The following ERBIN variants were observed in gnomAD, a reference collection of about 807,000 sequenced individuals.
ERBIN encodes erbb2 interacting protein, also known as densin-180-like protein.
ERBIN carries 60 observed loss-of-function variants against 158.4 expected under a neutral mutation model. That is an observed-to-expected ratio of 0.38 (90% CI 0.31 to 0.47). The LOEUF (loss-of-function observed/expected upper bound fraction) is 0.47. Among genes scored for constraint, ERBIN ranks in the 20% least tolerant of loss-of-function variants. The pLI, the probability that ERBIN is intolerant of heterozygous loss-of-function variation, is 0.99. For missense variants in ERBIN, 1,610 were observed against 1,648.0 expected (o/e 0.98, Z 0.40); for synonymous variants, 594 against 557.2 (o/e 1.07, Z -0.93).
At chr5:66,013,424 T>C in intron 5 of ERBIN, 125 bp from the exon 6 acceptor site, 1 of 705,066 alleles carries the variant, frequency 1.4e-6, no homozygotes, top group South Asian at 1.6e-5. Context: ...CTCATAAAAG[T>C]AGCCACTCAT....
chr5:66,075,658 T>TA (rs1761917330), intron 23 of ERBIN, among the ~76,000 whole-genome samples: 1 of 152,200 alleles, frequency 6.6e-6, no homozygotes, highest in South Asian at 2.1e-4. Flanking sequence ...TACACATTCT[T>TA]ATATCTTGAT....
At chr5:66,075,367 T>A in intron 23 of ERBIN, 137 bp downstream of exon 23, 1 of 735,036 alleles carries the variant, frequency 1.4e-6, no homozygotes, top group Non-Finnish European at 2.2e-6. Flanking sequence ...ATGTTACGTT[T>A]ATAAGGCGTT....
intron 2 of ERBIN, among the ~76,000 whole-genome samples, chr5:65,990,235 A>G (rs978000300): frequency 1.1e-4 from 16 of 152,244 alleles, no homozygotes; most frequent in Admixed American, 1.0e-3. Flanking sequence ...ATTGAGAAGC[A>G]GTATAGAAGA....
intron 1 of ERBIN, among the ~76,000 whole-genome samples, chr5:65,958,469 A>G (rs964039271): frequency 6.6e-6 from 1 of 152,112 alleles, no homozygotes. Context: ...AAAAATACGA[A>G]AACCAGTCAG....
chr5:65,928,282 A>G (rs950307824), intron 1 of ERBIN, among the ~76,000 whole-genome samples: 1 of 151,330 alleles, frequency 6.6e-6, no homozygotes, highest in African/African-American at 2.4e-5. Context: ...TTTGTGAACC[A>G]TGGAATAATT....
chr5:65,969,403 G>A (rs1749011141), intron 1 of ERBIN, among the ~76,000 whole-genome samples: 1 of 152,202 alleles, frequency 6.6e-6, no homozygotes, highest in African/African-American at 2.4e-5. Context: ...ATATGGCTTT[G>A]TGTTGGACAT....
intron 1 of ERBIN, among the ~76,000 whole-genome samples, chr5:65,932,055 T>C (rs544804807): frequency 1.3e-5 from 2 of 152,026 alleles, no homozygotes; most frequent in African/African-American, 4.8e-5. Context: ...TGACCTCAGG[T>C]GATCTGCCCG....
chr5:66,008,212 C>T (rs764602618), intron 4 of ERBIN, among the ~76,000 whole-genome samples: 1 of 152,106 alleles, frequency 6.6e-6, no homozygotes, highest in Non-Finnish European at 1.5e-5. Flanking sequence ...GTCAGGAGAT[C>T]GAGACCATCC....
chr5:65,978,815 G>A (rs1475294015), intron 1 of ERBIN, among the ~76,000 whole-genome samples: 1 of 152,190 alleles, frequency 6.6e-6, no homozygotes, highest in African/African-American at 2.4e-5. Flanking sequence ...AGGATTGAAA[G>A]CATAAAGAAA....
chr5:66,049,306 TC>T (rs1758788389), intron 19 of ERBIN, among the ~76,000 whole-genome samples: 1 of 152,036 alleles, frequency 6.6e-6, no homozygotes, highest in South Asian at 2.1e-4. Context: ...ATGTATCCTT[TC>T]CCTCACCCCT....
chr5:65,958,673 G>A (rs1747567457), intron 1 of ERBIN, among the ~76,000 whole-genome samples: 1 of 151,262 alleles, frequency 6.6e-6, no homozygotes, highest in Non-Finnish European at 1.5e-5. Flanking sequence ...AGGGGGAGGG[G>A]GAGGGAAATG....
intron 20 of ERBIN, among the ~76,000 whole-genome samples, chr5:66,051,633 T>C (rs1352215264): frequency 3.9e-5 from 6 of 152,146 alleles, no homozygotes; most frequent in Non-Finnish European, 5.9e-5. Context: ...GGCTTAAACG[T>C]GTAATCCCAG....
chr5:65,945,152 A>G (rs1396070435), intron 1 of ERBIN, among the ~76,000 whole-genome samples: 1 of 152,224 alleles, frequency 6.6e-6, no homozygotes, highest in Non-Finnish European at 1.5e-5. Flanking sequence ...TTCAAAATGT[A>G]TGCAGGTTTC....
intron 1 of ERBIN, among the ~76,000 whole-genome samples, chr5:65,981,734 A>G (rs939904989): frequency 2.6e-5 from 4 of 152,026 alleles, no homozygotes; most frequent in African/African-American, 4.8e-5. Context: ...GCAGTTGACT[A>G]TTTCTCTGAA....
chr5:65,994,937 C>A, intron 4 of ERBIN, 73 bp downstream of exon 4: 1 of 869,096 alleles, frequency 1.2e-6, no homozygotes. Flanking sequence ...ATTGAGTTTT[C>A]AAAAATAAAA....
chr5:65,994,668 A>G (rs1752224252), intron 3 of ERBIN, 79 bp from the exon 4 acceptor site: 3 of 761,420 alleles, frequency 3.9e-6, no homozygotes, highest in Admixed American at 2.9e-5. Flanking sequence ...CAGTTTTAAT[A>G]TGGCTGATAA....
At chr5:66,027,509 A>G (rs764599861) in intron 13 of ERBIN, among the ~76,000 whole-genome samples, 2 of 152,126 alleles carry the variant, frequency 1.3e-5, no homozygotes, top group South Asian at 4.1e-4. Context: ...ACAACTTCAG[A>G]TCAGAAATAT....
At chr5:65,987,282 C>G (rs1354550498) in intron 1 of ERBIN, among the ~76,000 whole-genome samples, 1 of 151,424 alleles carries the variant, frequency 6.6e-6, no homozygotes, top group Non-Finnish European at 1.5e-5. Context: ...CCTGTAAACC[C>G]AGCACTTTGG....
chr5:65,950,150 C>T (rs1442642414), intron 1 of ERBIN, among the ~76,000 whole-genome samples: 4 of 152,222 alleles, frequency 2.6e-5, no homozygotes, highest in East Asian at 1.9e-4. Flanking sequence ...GGACTACAGG[C>T]GTGTGCCACC....
Sources: allele counts gnomAD v4.1 joint callset (sites outside exome capture counted in the v4.1 genomes callset), GRCh38; gene constraint gnomAD v4.1.1; transcripts MANE v1.5; gene names NCBI Gene and HGNC (gene_info 2026-07-23, HGNC 2026-07-21).